PRPF18: variants seen among roughly 807,000 people sequenced by gnomAD.
PRPF18 encodes the protein pre-mRNA-splicing factor 18.
PRPF18 carries 38 observed loss-of-function variants against 46.5 expected under a neutral mutation model. The observed-to-expected ratio is 0.82, with a 90% CI of 0.63 to 1.07. PRPF18 has a LOEUF of 1.07. Ranked by LOEUF, PRPF18 falls within the 50% of genes least tolerant of loss-of-function variation. The pLI is 0.00. For synonymous variants in PRPF18, 152 were observed against 146.7 expected, an observed-to-expected ratio of 1.04 and a Z score of -0.26; for missense variants, 263 against 410.0, an observed-to-expected ratio of 0.64 and a Z score of 3.10.
At chr10:13,633,177 T>C (rs2080605497), downstream of PRPF18, among the ~76,000 whole-genome samples, 1 of 152,072 alleles carries the variant, frequency 6.6e-6, no homozygotes, top group South Asian at 2.1e-4. Context: ...CAAAGGACAG[T>C]CCGAATCTCG....
At chr10:13,606,845 G>C (rs900814179) in intron 4 of PRPF18, among the ~76,000 whole-genome samples, 4 of 151,980 alleles carry the variant, frequency 2.6e-5, no homozygotes, top group African/African-American at 9.7e-5. Flanking sequence ...AGGTCTCTTG[G>C]GGAGATACCT....
chr10:13,629,909 G>A (rs2080570596), intron 9 of PRPF18, among the ~76,000 whole-genome samples: 1 of 152,202 alleles, frequency 6.6e-6, no homozygotes, highest in African/African-American at 2.4e-5. Flanking sequence ...TTGGAACCTG[G>A]TTGAGACTGG....
chr10:13,646,327 T>G, the PRPF18 span: 3 of 152,644 alleles, frequency 2.0e-5, no homozygotes, highest in Non-Finnish European at 4.4e-5. Context: ...TATGTTTTTA[T>G]TTATTTTTAA....
chr10:13,647,029 G>A, the PRPF18 span: 3 of 939,472 alleles, frequency 3.2e-6, no homozygotes, highest in South Asian at 9.8e-5. Flanking sequence ...AGCTATCATT[G>A]TAGCTCCTGT....
chr10:13,630,355 G>T lies in PRPF18; in HGVS notation c.*15G>T, dbSNP rs780565817. ...ATGCACTGTGAGATCTGTGTATGGT[G>T]TGTTAATAACAATAAGAAACTTAGG... On this transcript the variant is annotated 3_prime_UTR_variant, in exon 10 of 10. Transcript: ENST00000378572. The T allele has an allele frequency of 6.3e-7, 1 of 1,584,114 alleles. No individual in the cohort carries two copies. The highest frequency in any genetic ancestry group is 1.1e-5 in the South Asian group (1 of 89,848).
the PRPF18 span, chr10:13,654,392 G>A: frequency 2.6e-5 from 37 of 1,442,714 alleles, no homozygotes; most frequent in African/African-American, 4.7e-4. Context: ...CTGACACAGT[G>A]AAGAACATAG....
rs528445551 is a variant in PRPF18 at position 13,599,450 on chromosome 10, A to C, written c.145-794A>C. 4.6e-5 allele frequency among the ~76,000 whole-genome samples: 7 copies of C among 152,192 alleles called. No individual in the cohort carries two copies. In the East Asian group the frequency reaches 9.7e-4, roughly 21 times the overall value. ...ACTTTCAGCATTTTGGATTTATCTT[A>C]TGGTCAGATGGGAAACCACGTTTCA... On this transcript the variant is annotated intron_variant, in intron 2 of 9. Transcript: ENST00000378572.
chr10:13,614,151 G>A, intron 8 of PRPF18, 65 bp downstream of exon 8: 1 of 1,216,998 alleles, frequency 8.2e-7, no homozygotes, highest in South Asian at 1.7e-5. Context: ...GTAATATAAT[G>A]TTCATTTGGG....
the PRPF18 span, chr10:13,647,604 G>A: frequency 6.6e-6 from 1 of 151,948 alleles, no homozygotes; most frequent in Non-Finnish European, 1.5e-5. Flanking sequence ...GTGGTATTTT[G>A]AATTGTGTTT....
chr10:13,654,350 C>T, the PRPF18 span: 18,882 of 1,019,902 alleles, frequency 0.019, 973 homozygotes, highest in African/African-American at 0.15. Context: ...CTTATGTCAC[C>T]AGGATCTGAA....
the PRPF18 span, chr10:13,654,089 C>T: frequency 4.1e-6 from 2 of 485,212 alleles, no homozygotes; most frequent in Non-Finnish European, 7.2e-6. Flanking sequence ...TTTGAGTCAG[C>T]CTGAGTATAA....
chr10:13,595,880 C>T lies in PRPF18; in HGVS notation c.67-1578C>T, dbSNP rs1035703753. On this transcript the variant is annotated intron_variant, in intron 1 of 9. Transcript: ENST00000378572. ...AAAATAGATAAAATTTTATGATGAG[C>T]CCCTGTATATCCTTCCCCTGAAACA... 5.9e-5 allele frequency among the ~76,000 whole-genome samples: 9 copies of T among 152,136 alleles called. 1 individual carries two copies. Among genetic ancestry groups the T allele is most frequent in the African/African-American group, 1.7e-4 (7 of 41,412 alleles).
the PRPF18 span, chr10:13,647,469 T>C: frequency 6.6e-6 from 1 of 152,128 alleles, no homozygotes; most frequent in Non-Finnish European, 1.5e-5. Context: ...AGGGGACTTT[T>C]CCCACACGAC....
intron 5 of PRPF18, among the ~76,000 whole-genome samples, chr10:13,610,843 AG>A (rs1416340342): frequency 3.3e-5 from 5 of 152,176 alleles, no homozygotes; most frequent in African/African-American, 1.2e-4. Flanking sequence ...CAGCAGTGTG[AG>A]GGTCCCCTGT....
At chr10:13,617,530 G>A (rs867422631) in intron 9 of PRPF18, among the ~76,000 whole-genome samples, 9 of 131,082 alleles carry the variant, frequency 6.9e-5, no homozygotes, top group African/African-American at 1.2e-4. Context: ...TGTATTAAAG[G>A]CAGAAGCTTT....
intron 9 of PRPF18, among the ~76,000 whole-genome samples, chr10:13,620,650 G>C (rs1485717453): frequency 6.6e-6 from 1 of 152,122 alleles, no homozygotes; most frequent in Non-Finnish European, 1.5e-5. Context: ...AGTTTTGCCT[G>C]TTCTTGAGCA....
intron 8 of PRPF18, among the ~76,000 whole-genome samples, chr10:13,615,194 G>A (rs1289859525): frequency 3.3e-5 from 5 of 152,222 alleles, no homozygotes; most frequent in African/African-American, 1.2e-4. Flanking sequence ...CACCATCACT[G>A]CAGGAAGAAT....
the PRPF18 span, chr10:13,638,105 G>A: frequency 3.3e-5 from 5 of 152,154 alleles, no homozygotes; most frequent in Admixed American, 6.5e-5. Context: ...AAGAAGATAC[G>A]GATAGAAGTC....
At chr10:13,621,447 G>A (rs1311450836) in intron 9 of PRPF18, among the ~76,000 whole-genome samples, 1 of 152,080 alleles carries the variant, frequency 6.6e-6, no homozygotes, top group Non-Finnish European at 1.5e-5. Context: ...CGCTTCTCTC[G>A]GGTGGCTGTC....
Sources: allele counts gnomAD v4.1 joint callset (sites outside exome capture counted in the v4.1 genomes callset), GRCh38; gene constraint gnomAD v4.1.1; transcripts MANE v1.5; gene names NCBI Gene and HGNC (gene_info 2026-07-23, HGNC 2026-07-21).